The following HS3ST3A1 variants were observed in gnomAD, a reference collection of about 807,000 sequenced individuals.
HS3ST3A1 encodes the protein heparan sulfate-glucosamine 3-sulfotransferase 3A1.
Under a neutral mutation model 25.7 loss-of-function variants are expected in HS3ST3A1, and 19 were observed. The ratio of observed to expected loss-of-function variants is 0.74; its 90% confidence interval spans 0.52 to 1.08. The LOEUF (loss-of-function observed/expected upper bound fraction) is 1.08. Among genes scored for constraint, HS3ST3A1 ranks in the 50% least tolerant of loss-of-function variants. HS3ST3A1 has a pLI of 0.00. For missense variants in HS3ST3A1, 459 were observed against 594.3 expected (o/e 0.77, Z 2.37); for synonymous variants, 226 against 278.6 (o/e 0.81, Z 1.88).
Position 13,524,418 on chromosome 17 carries a change from C to T in HS3ST3A1, c.600-27600G>A, listed in dbSNP as rs1460651529. ...GACTACAGGCACACACTACCACACC[C>T]GGCTAATTTTTGTTTTTTTTGTAGA... On this transcript the variant is annotated intron_variant, in intron 1 of 1. Transcript: ENST00000284110. 5.3e-5 allele frequency among the ~76,000 whole-genome samples: 8 copies of T among 152,200 alleles called. 1 individual carries two copies. In the South Asian group the frequency reaches 6.2e-4, roughly 12 times the overall value.
At chr17:13,600,492 C>G in intron 1 of HS3ST3A1, 39 bp downstream of exon 1, 1 of 1,540,366 alleles carries the variant, frequency 6.5e-7, no homozygotes, top group Non-Finnish European at 8.7e-7. Context: ...CCCAGGACCC[C>G]CGGATCCTTC....
intron 1 of HS3ST3A1, among the ~76,000 whole-genome samples, chr17:13,571,723 A>G (rs1907818237): frequency 6.6e-6 from 1 of 152,218 alleles, no homozygotes; most frequent in African/African-American, 2.4e-5. Context: ...AAATTATTTT[A>G]GTGCTGCTAT....
intron 1 of HS3ST3A1, among the ~76,000 whole-genome samples, chr17:13,547,185 T>C (rs1026484119): frequency 3.3e-5 from 5 of 152,156 alleles, no homozygotes; most frequent in African/African-American, 1.2e-4. Context: ...CATCTAACAC[T>C]ATGTCTTTCC....
intron 1 of HS3ST3A1, among the ~76,000 whole-genome samples, chr17:13,582,411 AT>A (rs1661725976): frequency 6.6e-6 from 1 of 152,258 alleles, no homozygotes; most frequent in Non-Finnish European, 1.5e-5. Context: ...TAAAAGGGCA[AT>A]AATTTTGCCC....
intron 1 of HS3ST3A1, among the ~76,000 whole-genome samples, chr17:13,582,593 T>C (rs1908145783): frequency 6.6e-6 from 1 of 152,258 alleles, no homozygotes; most frequent in African/African-American, 2.4e-5. Context: ...TGTCCACTGA[T>C]GTGGTTTGCT....
Position 13,600,582 on chromosome 17 carries a change from G to A in HS3ST3A1, c.548C>T (p.Ala183Val). ...GCTGCGGTCGAAGAAGTGGGGCTCGGCGCCCACGGCGCGCACGTCGGGGTG... is the reference window on the plus strand; with the variant it reads ...GCTGCGGTCGAAGAAGTGGGGCTCGACGCCCACGGCGCGCACGTCGGGGTG... Reference protein sequence around the residue: ...RVHPDVRAVGAEPHFFDRSYD... With the variant: ...RVHPDVRAVGVEPHFFDRSYD... The change falls in exon 1 of 2, where the codon GCC (alanine) becomes GTC (valine). Residue 183 changes from alanine to valine, a missense_variant. Coordinates refer to ENST00000284110, the MANE Select transcript of HS3ST3A1 (RefSeq NM_006042.3). The A allele has an allele frequency of 1.9e-6, 3 of 1,601,300 alleles. 1 individual carries two copies. The highest frequency in any genetic ancestry group is 8.5e-7 in the Non-Finnish European group (1 of 1,178,324).
At chr17:13,526,986 A>G (rs1305851680) in intron 1 of HS3ST3A1, among the ~76,000 whole-genome samples, 4 of 152,086 alleles carry the variant, frequency 2.6e-5, no homozygotes, top group Non-Finnish European at 5.9e-5. Context: ...GCTGCCACAT[A>G]CTTTGCTGCT....
chr17:13,528,579 C>T (rs914481290), intron 1 of HS3ST3A1, among the ~76,000 whole-genome samples: 1 of 152,150 alleles, frequency 6.6e-6, no homozygotes, highest in South Asian at 2.1e-4. Flanking sequence ...ACTTCCCTCC[C>T]TTTACTTGTA....
At chr17:13,498,570 G>A (rs1905356196) in intron 1 of HS3ST3A1, among the ~76,000 whole-genome samples, 1 of 152,032 alleles carries the variant, frequency 6.6e-6, no homozygotes. Flanking sequence ...TTGACTGTAG[G>A]TCATAAGACC....
At chr17:13,582,450 A>C (rs760578311) in intron 1 of HS3ST3A1, among the ~76,000 whole-genome samples, 1 of 152,236 alleles carries the variant, frequency 6.6e-6, no homozygotes, top group Admixed American at 6.5e-5. Context: ...CTAGTATACT[A>C]TGATAATAGG....
rs576724460 is a variant in HS3ST3A1, at chr17:13,592,578, T to C, written c.599+7953A>G. The stretch of plus-strand genomic sequence containing the variant: ...TAACTACATAAGCATTTGCAGTCTA[T>C]CCCTTGCACGAAAGCAGTTGATAAA... On this transcript the variant is annotated intron_variant, in intron 1 of 1. Coordinates refer to ENST00000284110, the MANE Select transcript of HS3ST3A1 (RefSeq NM_006042.3). Among the ~76,000 whole-genome samples the C allele has an allele frequency of 1.9e-4, 29 of 152,352 alleles. No homozygotes were observed. The South Asian group carries it at 2.9e-3, about 15-fold the overall frequency.
intron 1 of HS3ST3A1, among the ~76,000 whole-genome samples, chr17:13,518,387 G>T (rs1052030992): frequency 6.6e-6 from 1 of 152,118 alleles, no homozygotes; most frequent in African/African-American, 2.4e-5. Flanking sequence ...ATAGTATTAG[G>T]TTACAAAACA....
rs1567635306 is a variant in HS3ST3A1 at position 13,601,110 on chromosome 17, GC to G, written c.19del (p.Ala7ProfsTer21). 1.3e-6 allele frequency: 2 copies of G among 1,574,594 alleles called. No individual in the cohort carries two copies. Among genetic ancestry groups the G allele is most frequent in the East Asian group, 2.4e-5 (1 of 41,736 alleles). On this transcript the variant is annotated frameshift_variant, in exon 1 of 2. Transcript: ENST00000284110. LOFTEE classifies it high-confidence loss of function. ...CTCGGCCGAGGTGGAGAGGGCACTG[GC>G]CGGGCCCGGAGGGGCCATCCTAGCC... MAPPGPASALSTSAEPL... is the reference protein window; with the variant it reads MAPPGPXSALSTSAEPL...
rs112191267 is a variant in HS3ST3A1 at position 13,549,304 on chromosome 17, C to T, written c.599+51227G>A. ...GAAACTGCAGACACATCTGAACATC[C>T]GAAGGAACAAACTCTGGACACACCA... On this transcript the variant is annotated intron_variant, in intron 1 of 1. Coordinates refer to ENST00000284110, the MANE Select transcript of HS3ST3A1 (RefSeq NM_006042.3). Among the ~76,000 whole-genome samples, 999 of 152,224 alleles carry T rather than the reference C, an allele frequency of 6.6e-3. 8 individuals are homozygous for T. Among genetic ancestry groups the T allele is most frequent in the African/African-American group, 0.022 (927 of 41,552 alleles).
At chr17:13,585,970 C>T (rs1162717557) in intron 1 of HS3ST3A1, among the ~76,000 whole-genome samples, 2 of 151,466 alleles carry the variant, frequency 1.3e-5, no homozygotes, top group Non-Finnish European at 2.9e-5. Flanking sequence ...CTACCTCAGC[C>T]TCCAAGTAGC....
intron 1 of HS3ST3A1, among the ~76,000 whole-genome samples, chr17:13,508,998 G>T (rs8069928): frequency 1.3e-5 from 2 of 148,542 alleles, no homozygotes; most frequent in South Asian, 4.3e-4. Flanking sequence ...TGCCAATCTT[G>T]CCTCACCCTG....
intron 1 of HS3ST3A1, among the ~76,000 whole-genome samples, chr17:13,501,651 C>T (rs943146668): frequency 1.3e-5 from 2 of 152,132 alleles, no homozygotes; most frequent in African/African-American, 4.8e-5. Context: ...GTTTATTCAC[C>T]TTACCAGGAA....
At position 13,601,108 on chromosome 17, in the gene HS3ST3A1, TGGCCG is replaced by T; in HGVS notation, c.17_21del (p.Pro6GlnfsTer367). The T allele has an allele frequency of 1.9e-6, 3 of 1,578,966 alleles. No homozygotes were observed. Among genetic ancestry groups the T allele is most frequent in the South Asian group, 2.3e-5 (2 of 85,960 alleles). On this transcript the variant is annotated frameshift_variant, in exon 1 of 2. Transcript: ENST00000284110. LOFTEE classifies it high-confidence loss of function. ...GGCTCGGCCGAGGTGGAGAGGGCAC[TGGCCG>T]GGCCCGGAGGGGCCATCCTAGCCGG...
intron 1 of HS3ST3A1, among the ~76,000 whole-genome samples, chr17:13,552,302 C>T (rs952668919): frequency 1.3e-5 from 2 of 152,088 alleles, no homozygotes; most frequent in African/African-American, 2.4e-5. Context: ...AGACTGGTCT[C>T]GAACTCCTGA....
Sources: gnomAD v4.1 joint callset for allele counts (sites outside exome capture counted in the v4.1 genomes callset) on GRCh38, gnomAD v4.1.1 for gene constraint, MANE v1.5 for transcripts, NCBI Gene and HGNC (gene_info 2026-07-23, HGNC 2026-07-21) for gene names.